CNTNAP3B: variants seen among roughly 807,000 people sequenced by gnomAD.
The protein encoded by CNTNAP3B is contactin-associated protein-like 3B.
A neutral mutation model predicts 108.9 loss-of-function variants in CNTNAP3B; 25 were observed. The observed-to-expected ratio is 0.23, with a 90% CI of 0.17 to 0.32. CNTNAP3B has a LOEUF of 0.32. Among genes scored for constraint, CNTNAP3B ranks in the 10% least tolerant of loss-of-function variants. The pLI, the probability that CNTNAP3B is intolerant of heterozygous loss-of-function variation, is 1.00. For missense variants in CNTNAP3B, 252 were observed against 1,210.4 expected, an observed-to-expected ratio of 0.21 and a Z score of 11.75; for synonymous variants, 103 against 473.4, an observed-to-expected ratio of 0.22 and a Z score of 10.16.
At chr9:41,948,539 A>G (rs1824595124) in intron 13 of CNTNAP3B, among the ~76,000 whole-genome samples, 1 of 149,230 alleles carries the variant, frequency 6.7e-6, no homozygotes, top group Non-Finnish European at 1.5e-5. Flanking sequence ...CAATATGAAA[A>G]AAGAAAACTA....
intron 13 of CNTNAP3B, among the ~76,000 whole-genome samples, chr9:41,940,487 T>C (rs1324998280): frequency 1.3e-5 from 2 of 152,214 alleles, no homozygotes; most frequent in South Asian, 2.1e-4. Context: ...ATAAATTATA[T>C]ATCCAGAGAA....
chr9:41,926,663 T>G (rs1373624071), intron 15 of CNTNAP3B: 1 of 152,424 alleles, frequency 6.6e-6, no homozygotes, highest in Non-Finnish European at 1.5e-5. Flanking sequence ...TACCATCTTG[T>G]CCGGGCTTGT....
intron 10 of CNTNAP3B, among the ~76,000 whole-genome samples, chr9:41,967,326 A>T (rs1270132884): frequency 1.3e-5 from 2 of 152,204 alleles, no homozygotes; most frequent in Non-Finnish European, 2.9e-5. Flanking sequence ...ACGAGATCTG[A>T]TGGTTTTATA....
intron 13 of CNTNAP3B, among the ~76,000 whole-genome samples, chr9:41,939,330 G>A (rs866934305): frequency 4.8e-4 from 73 of 152,366 alleles, no homozygotes; most frequent in African/African-American, 1.7e-3. Flanking sequence ...GCTTGATCAT[G>A]TGGTGCTGTT....
At chr9:42,035,327 C>T (rs1826601543) in intron 3 of CNTNAP3B, among the ~76,000 whole-genome samples, 1 of 146,372 alleles carries the variant, frequency 6.8e-6, no homozygotes, top group Admixed American at 6.8e-5. Context: ...TCCTATGATT[C>T]AATTTTCAGA....
At chr9:42,044,223 G>C (rs1488164088) in intron 3 of CNTNAP3B, among the ~76,000 whole-genome samples, 9 of 148,510 alleles carry the variant, frequency 6.1e-5, no homozygotes, top group Admixed American at 5.4e-4. Context: ...AGTGGTTCTT[G>C]TTGTTAATCT....
At chr9:41,944,114 T>A (rs1292497703) in intron 13 of CNTNAP3B, among the ~76,000 whole-genome samples, 4 of 149,424 alleles carry the variant, frequency 2.7e-5, no homozygotes, top group Admixed American at 2.7e-4. Flanking sequence ...AATAGTAAAG[T>A]AGAAATAAAG....
At chr9:41,932,055 T>C (rs1238475340) in intron 14 of CNTNAP3B, among the ~76,000 whole-genome samples, 2 of 151,954 alleles carry the variant, frequency 1.3e-5, no homozygotes, top group Non-Finnish European at 2.9e-5. Context: ...CCAGTGTTTT[T>C]CACCAGTTTC....
At chr9:42,076,442 A>G (rs1437681795) in intron 3 of CNTNAP3B, among the ~76,000 whole-genome samples, 3 of 130,168 alleles carry the variant, frequency 2.3e-5, no homozygotes, top group African/African-American at 6.2e-5. Flanking sequence ...AAAAAAAAAA[A>G]AAACAAGAAA....
intron 13 of CNTNAP3B, among the ~76,000 whole-genome samples, chr9:41,944,671 G>T (rs1254237409): frequency 6.6e-6 from 1 of 151,504 alleles, no homozygotes; most frequent in African/African-American, 2.4e-5. Flanking sequence ...TTACAATATG[G>T]CAAATATTAA....
intron 2 of CNTNAP3B, among the ~76,000 whole-genome samples, chr9:42,083,209 GA>G (rs1827638451): frequency 1.1e-5 from 1 of 95,136 alleles, no homozygotes; most frequent in African/African-American, 4.8e-5. Flanking sequence ...AAAACTGAAT[GA>G]AATAGATAAA....
chr9:42,094,180 C>G (rs972007479), intron 2 of CNTNAP3B, among the ~76,000 whole-genome samples: 1 of 139,060 alleles, frequency 7.2e-6, no homozygotes, highest in East Asian at 2.2e-4. Flanking sequence ...AGTAAGCACA[C>G]TGGCATATGA....
chr9:41,933,448 G>A (rs1299280239), intron 14 of CNTNAP3B, among the ~76,000 whole-genome samples: 5 of 148,644 alleles, frequency 3.4e-5, no homozygotes, highest in Admixed American at 2.0e-4. Flanking sequence ...TTATTTGGCT[G>A]TCCTTAATTC....
intron 1 of CNTNAP3B, among the ~76,000 whole-genome samples, chr9:42,126,584 C>T (rs1463469900): frequency 7.5e-6 from 1 of 133,760 alleles, no homozygotes; most frequent in Non-Finnish European, 1.6e-5. Flanking sequence ...TTTTTTGAGA[C>T]GGAGTTTTGC....
chr9:42,042,298 T>C, intron 3 of CNTNAP3B, among the ~76,000 whole-genome samples: 1 of 119,010 alleles, frequency 8.4e-6, no homozygotes, highest in South Asian at 2.7e-4. Context: ...TCTAGATAGA[T>C]AAACCTCTAG....
chr9:42,042,979 A>C (rs1826794215), intron 3 of CNTNAP3B, among the ~76,000 whole-genome samples: 1 of 149,418 alleles, frequency 6.7e-6, no homozygotes, highest in African/African-American at 2.5e-5. Context: ...TTATATTCTC[A>C]AATTCAAATC....
chr9:42,112,480 G>A (rs1245979177), intron 1 of CNTNAP3B, among the ~76,000 whole-genome samples: 1 of 139,166 alleles, frequency 7.2e-6, no homozygotes, highest in South Asian at 2.3e-4. Context: ...CTGGGGTGAG[G>A]AAGAGAGACT....
chr9:41,920,891 G>A (rs1210612968), intron 17 of CNTNAP3B, among the ~76,000 whole-genome samples: 1 of 152,420 alleles, frequency 6.6e-6, no homozygotes, highest in African/African-American at 2.4e-5. Context: ...AGAGGGTACA[G>A]TGCTAAACAG....
chr9:41,933,844 G>C (rs1270564465), intron 14 of CNTNAP3B, among the ~76,000 whole-genome samples: 2 of 152,184 alleles, frequency 1.3e-5, no homozygotes, highest in Non-Finnish European at 1.5e-5. Flanking sequence ...TAAGAATATA[G>C]TTTCCATCAT....
Sources: allele counts gnomAD v4.1 joint callset (sites outside exome capture counted in the v4.1 genomes callset), GRCh38; gene constraint gnomAD v4.1.1; transcripts MANE v1.5; gene names NCBI Gene and HGNC (gene_info 2026-07-23, HGNC 2026-07-21).